The following ZFPM2 variants were observed in gnomAD, a reference collection of about 807,000 sequenced individuals.
The protein encoded by ZFPM2 is zinc finger protein ZFPM2.
A neutral mutation model predicts 98.6 loss-of-function variants in ZFPM2; 20 were observed. The ratio of observed to expected loss-of-function variants is 0.20; its 90% confidence interval spans 0.14 to 0.29. ZFPM2 has a LOEUF of 0.29. Among genes scored for constraint, ZFPM2 ranks in the 10% least tolerant of loss-of-function variants. The pLI, the probability that ZFPM2 is intolerant of heterozygous loss-of-function variation, is 1.00. For missense variants in ZFPM2, 1,310 were observed against 1,388.6 expected (o/e 0.94, Z 0.90); for synonymous variants, 518 against 502.7 (o/e 1.03, Z -0.41).
Position 105,626,551 on chromosome 8 carries a change from G to A in ZFPM2, c.421-7695G>A, listed in dbSNP as rs80329881. Among the ~76,000 whole-genome samples the A allele has an allele frequency of 7.2e-3, 1,097 of 152,144 alleles. 10 individuals are homozygous for A. Among genetic ancestry groups the A allele is most frequent in the African/African-American group, 0.025 (1,021 of 41,520 alleles). On this transcript the variant is annotated intron_variant, in intron 4 of 7. Coordinates refer to ENST00000407775, the MANE Select transcript of ZFPM2 (RefSeq NM_012082.4). ...TTAAATGTGGGGAATAATGGAGTTG[G>A]GGGGTTGGCAGTGGTGGTGGTGTAC...
intron 5 of ZFPM2, among the ~76,000 whole-genome samples, chr8:105,775,967 C>A (rs754246912): frequency 6.6e-6 from 1 of 151,962 alleles, no homozygotes; most frequent in Non-Finnish European, 1.5e-5. Context: ...ACTTTCTGAG[C>A]TTATGCTTCA....
chr8:105,416,195 C>T (rs1811676843), intron 1 of ZFPM2, among the ~76,000 whole-genome samples: 1 of 151,496 alleles, frequency 6.6e-6, no homozygotes, highest in Non-Finnish European at 1.5e-5. Context: ...ATGACTTTGA[C>T]ATTTAAGAAT....
intron 5 of ZFPM2, among the ~76,000 whole-genome samples, chr8:105,677,587 A>C (rs1353007752): frequency 6.7e-6 from 1 of 150,256 alleles, no homozygotes; most frequent in Non-Finnish European, 1.5e-5. Flanking sequence ...TTTTTTTTTT[A>C]AGTAGCTATC....
chr8:105,565,417 T>C (rs1815223440), intron 4 of ZFPM2, among the ~76,000 whole-genome samples: 2 of 152,310 alleles, frequency 1.3e-5, no homozygotes, highest in South Asian at 2.1e-4. Flanking sequence ...AATACTTTCA[T>C]TGGGCCAGAT....
At chr8:105,671,435 C>T (rs1267080102) in intron 5 of ZFPM2, among the ~76,000 whole-genome samples, 1 of 151,658 alleles carries the variant, frequency 6.6e-6, no homozygotes, top group Admixed American at 6.6e-5. Context: ...TCTACAACAT[C>T]TCGTGTTGTT....
At chr8:105,616,769 G>A (rs142507792) in intron 4 of ZFPM2, 4,087 of 274,262 alleles carry the variant, frequency 0.015, 137 homozygotes, top group African/African-American at 0.079. Flanking sequence ...TGTAATCCCA[G>A]CACTTTGGGA....
intron 5 of ZFPM2, among the ~76,000 whole-genome samples, chr8:105,661,242 A>C (rs1817382644): frequency 6.6e-6 from 1 of 152,220 alleles, no homozygotes; most frequent in African/African-American, 2.4e-5. Flanking sequence ...ATTATAAATA[A>C]AAATTGTAAA....
chr8:105,455,461 A>G (rs1812569849), intron 3 of ZFPM2, among the ~76,000 whole-genome samples: 1 of 152,116 alleles, frequency 6.6e-6, no homozygotes, highest in Non-Finnish European at 1.5e-5. Flanking sequence ...CAACCAAGAG[A>G]GTGGTATAAG....
At chr8:105,737,521 A>G (rs1812106091) in intron 5 of ZFPM2, 2 of 152,272 alleles carry the variant, frequency 1.3e-5, no homozygotes, top group African/African-American at 4.8e-5. Context: ...TTCCTTGAGG[A>G]CTTTGATGAT....
At chr8:105,591,031 C>T (rs1366780369) in intron 4 of ZFPM2, among the ~76,000 whole-genome samples, 3 of 152,072 alleles carry the variant, frequency 2.0e-5, no homozygotes, top group Admixed American at 6.6e-5. Context: ...AACAACTACC[C>T]TTGTTCTCTT....
At chr8:105,508,184 C>T (rs1693201818) in intron 3 of ZFPM2, among the ~76,000 whole-genome samples, 1 of 152,132 alleles carries the variant, frequency 6.6e-6, no homozygotes, top group African/African-American at 2.4e-5. Context: ...CCGTTTACAG[C>T]AGCAAAATCC....
chr8:105,494,183 G>GTATA (rs61035457), intron 3 of ZFPM2, among the ~76,000 whole-genome samples: 1,814 of 59,834 alleles, frequency 0.03, 98 homozygotes, highest in East Asian at 0.05. Context: ...GCCACCAAAA[G>GTATA]TATATATATA....
chr8:105,394,715 C>T lies in ZFPM2; in HGVS notation c.41-24429C>T, dbSNP rs1586341410. Among the ~76,000 whole-genome samples, 3 of 152,330 alleles carry T rather than the reference C, an allele frequency of 2.0e-5. No homozygotes were observed. The East Asian group carries it at 5.8e-4, about 29-fold the overall frequency. On this transcript the variant is annotated intron_variant, in intron 1 of 7. Coordinates refer to ENST00000407775, the MANE Select transcript of ZFPM2 (RefSeq NM_012082.4). ...GGAATTCCCATTAGCATTAGCTTGG[C>T]ACAGCTCCTTGTCTCACAGACAGTG...
chr8:105,598,635 T>A (rs1217494350), intron 4 of ZFPM2, among the ~76,000 whole-genome samples: 3 of 152,174 alleles, frequency 2.0e-5, no homozygotes, highest in Non-Finnish European at 4.4e-5. Context: ...CTTTCTCACG[T>A]TAAATAAACT....
chr8:105,471,271 T>G (rs757002913), intron 3 of ZFPM2, among the ~76,000 whole-genome samples: 16 of 152,150 alleles, frequency 1.1e-4, no homozygotes, highest in Non-Finnish European at 2.2e-4. Flanking sequence ...ATTTATTGAG[T>G]GCTTACTAGA....
In ZFPM2 at chr8:105,802,893, A is replaced by T. The variant is rs1313018354; in HGVS notation, c.2811A>T (p.Ala937=). Reference sequence around the variant, plus strand: ...GAAACTTATTTTCATCCCACCTAGCAACCCTGCAAGGCTTGAAGGTCTTTA... The same window carrying T: ...GAAACTTATTTTCATCCCACCTAGCTACCCTGCAAGGCTTGAAGGTCTTTA... The part of the protein sequence containing the change: ...PNGNLFSSHL[A]TLQGLKVFSE... The change falls in exon 8 of 8, where the codon GCA becomes GCT. Residue 937 remains alanine, a synonymous_variant. Coordinates refer to ENST00000407775, the MANE Select transcript of ZFPM2 (RefSeq NM_012082.4). The T allele has an allele frequency of 2.5e-6, 4 of 1,613,694 alleles. No homozygotes were observed. The highest frequency in any genetic ancestry group is 3.4e-6 in the Non-Finnish European group (4 of 1,179,844).
chr8:105,796,039 A>G (rs979662798), intron 6 of ZFPM2: 7 of 195,134 alleles, frequency 3.6e-5, no homozygotes, highest in Non-Finnish European at 6.4e-5. Context: ...TTGCTGTAAT[A>G]TCATCCTTTA....
intron 5 of ZFPM2, among the ~76,000 whole-genome samples, chr8:105,709,794 G>A (rs1234590764): frequency 6.6e-6 from 1 of 152,056 alleles, no homozygotes. Flanking sequence ...GAAAGTTTAA[G>A]CTGTATGAAA....
At chr8:105,434,122 T>G (rs1812074301) in intron 2 of ZFPM2, among the ~76,000 whole-genome samples, 1 of 152,184 alleles carries the variant, frequency 6.6e-6, no homozygotes, top group Admixed American at 6.5e-5. Context: ...AAGGGAGACC[T>G]GAGTTAGAAA....
Sources: gnomAD v4.1 joint callset for allele counts (sites outside exome capture counted in the v4.1 genomes callset) on GRCh38, gnomAD v4.1.1 for gene constraint, MANE v1.5 for transcripts, NCBI Gene and HGNC (gene_info 2026-07-23, HGNC 2026-07-21) for gene names.